MIA2: variants seen among roughly 807,000 people sequenced by gnomAD.
MIA2 encodes the protein melanoma inhibitory activity protein 2.
In MIA2, 127 loss-of-function variants were observed where a neutral mutation model predicts 167.8. The ratio of observed to expected loss-of-function variants is 0.76; its 90% CI spans 0.66 to 0.88. MIA2 has a LOEUF of 0.88. Among genes scored for constraint, MIA2 ranks in the 40% least tolerant of loss-of-function variants. The pLI is 0.00. For synonymous variants in MIA2, 552 were observed against 541.9 expected, an observed-to-expected ratio of 1.02 and a Z score of -0.26; for missense variants, 1,690 against 1,624.7, an observed-to-expected ratio of 1.04 and a Z score of -0.69.
chr14:39,246,953 G>T lies in MIA2; in HGVS notation c.379G>T (p.Asp127Tyr). 6.5e-7 allele frequency: 1 copy of T among 1,528,676 alleles called. No homozygotes were observed. The highest frequency in any genetic ancestry group is 1.3e-5 in the South Asian group (1 of 74,332). 94.7% of individuals were successfully genotyped at this position (1,528,676 alleles called of 1,614,324 possible). A position where few individuals can be genotyped will look rare whatever the true frequency, so the allele number is the denominator to read the frequency against. Residue 127 changes from aspartate (D) to tyrosine (Y), a missense_variant, in exon 4 of 29, where the codon GAC becomes TAC. Coordinates refer to ENST00000640607, the MANE Select transcript of MIA2 (RefSeq NM_001329214.4). The stretch of plus-strand genomic sequence containing the variant: ...TCTTCTTGGAGTAAGTTACACATTT[G>T]ACAATGAAGATAGTGAATTAAACGG... The part of the protein sequence containing the change: ...LCLLGVSYTF[D>Y]NEDSELNGDY...
chr14:39,295,638 C>G (rs113907577), intron 13 of MIA2, among the ~76,000 whole-genome samples: 3 of 152,080 alleles, frequency 2.0e-5, no homozygotes, highest in Admixed American at 2.0e-4. Context: ...CGGCTCACTG[C>G]GACCTCTGCC....
intron 23 of MIA2, among the ~76,000 whole-genome samples, chr14:39,377,530 C>T (rs1186125403): frequency 1.3e-5 from 2 of 151,964 alleles, no homozygotes; most frequent in Non-Finnish European, 2.9e-5. Flanking sequence ...AGAATTCAGT[C>T]CAAATTGTAG....
chr14:39,234,964 T>C (rs150143920), intron 1 of MIA2, among the ~76,000 whole-genome samples: 273 of 152,134 alleles, frequency 1.8e-3, no homozygotes, highest in African/African-American at 6.3e-3. Context: ...CCTTTTGTTT[T>C]TATTTTATAA....
chr14:39,331,350 TA>T (rs1384561495), intron 25 of MIA2, among the ~76,000 whole-genome samples: 1 of 152,214 alleles, frequency 6.6e-6, no homozygotes, highest in Non-Finnish European at 1.5e-5. Flanking sequence ...TATGTGTGTC[TA>T]TGCACATGAG....
chr14:39,367,908 A>G (rs1195767468), intron 23 of MIA2, among the ~76,000 whole-genome samples: 1 of 151,864 alleles, frequency 6.6e-6, no homozygotes, highest in Non-Finnish European at 1.5e-5. Context: ...ACTACTGCAT[A>G]TTGCTTTCTA....
intron 17 of MIA2, among the ~76,000 whole-genome samples, chr14:39,306,037 T>A (rs531366973): frequency 2.2e-4 from 34 of 152,122 alleles, no homozygotes; most frequent in Non-Finnish European, 4.3e-4. Context: ...TTAATAGAGA[T>A]AATACCCAAC....
At chr14:39,300,764 T>C (rs2062267025) in intron 14 of MIA2, among the ~76,000 whole-genome samples, 1 of 151,748 alleles carries the variant, frequency 6.6e-6, no homozygotes, top group Non-Finnish European at 1.5e-5. Context: ...CAGGTATACA[T>C]ATGTAACAAA....
At chr14:39,336,231 G>T (rs911065380) in intron 25 of MIA2, among the ~76,000 whole-genome samples, 1 of 152,192 alleles carries the variant, frequency 6.6e-6, no homozygotes, top group Non-Finnish European at 1.5e-5. Flanking sequence ...CAGTGTATAA[G>T]CATTCCCTTT....
intron 20 of MIA2, among the ~76,000 whole-genome samples, 192 bp from the exon 21 acceptor site, chr14:39,315,491 C>G (rs910538785): frequency 1.3e-5 from 2 of 152,074 alleles, no homozygotes; most frequent in Non-Finnish European, 2.9e-5. Flanking sequence ...ATTTAATTGT[C>G]TTTACATTCA....
rs952444451 is a variant in MIA2, at chr14:39,267,248, A to C, written c.1888-9686A>C. The C allele has an allele frequency of 3.6e-6, 5 of 1,402,740 alleles. No individual in the cohort carries two copies. In the Admixed American group the frequency reaches 1.5e-4, roughly 42 times the overall value. The allele number at this position is 1,402,740 out of a possible 1,614,324, so 86.9% of individuals were successfully genotyped here. A position where few individuals can be genotyped will look rare whatever the true frequency, so the allele number is the denominator to read the frequency against. ...CCTGCGCTGCCTCGGGATGTAAAGT[A>C]TAACAAGAGGGTCGGGATGGGCAGC... On this transcript the variant is annotated intron_variant, in intron 6 of 28. Transcript: ENST00000640607.
chr14:39,292,342 AATT>A (rs1477435699), intron 10 of MIA2, among the ~76,000 whole-genome samples: 3 of 152,192 alleles, frequency 2.0e-5, no homozygotes, highest in African/African-American at 4.8e-5. Flanking sequence ...ATAGGAGTAA[AATT>A]AGCTGAATTT....
intron 23 of MIA2, among the ~76,000 whole-genome samples, chr14:39,377,228 G>A (rs2075062101): frequency 6.7e-6 from 1 of 149,430 alleles, no homozygotes; most frequent in Admixed American, 6.6e-5. Flanking sequence ...AGAACATAGG[G>A]GGAGGAAGAA....
At chr14:39,263,853 C>G (rs1017116854) in intron 6 of MIA2, among the ~76,000 whole-genome samples, 1 of 152,014 alleles carries the variant, frequency 6.6e-6, no homozygotes, top group Non-Finnish European at 1.5e-5. Context: ...AGGCTGGTCT[C>G]GAACTCCTGA....
chr14:39,326,385 A>G (rs139847348), intron 24 of MIA2, among the ~76,000 whole-genome samples: 183 of 152,262 alleles, frequency 1.2e-3, no homozygotes, highest in African/African-American at 4.0e-3. Flanking sequence ...TTTGGGCAGA[A>G]GTAGAGAGTC....
At chr14:39,285,522 GA>G in intron 9 of MIA2, among the ~76,000 whole-genome samples, 2 of 139,144 alleles carry the variant, frequency 1.4e-5, no homozygotes, top group Non-Finnish European at 1.6e-5. Context: ...GGCGGGGGCT[GA>G]CCCCCCACCT....
rs559860940 is a variant in MIA2 at position 39,356,974 on chromosome 14, A to G, written c.2248+7997A>G. On this transcript the variant is annotated intron_variant, in intron 23 of 23. Coordinates refer to the MIA2 transcript ENST00000341502. ...GCTGAGGAGTGCTTTACTTCCAACT[A>G]TGTGGTCGGTTTTGGAATAAGTGTG... Among the ~76,000 whole-genome samples, 24 of 152,266 alleles carry G rather than the reference A, an allele frequency of 1.6e-4. 1 individual carries two copies. Among genetic ancestry groups the G allele is most frequent in the African/African-American group, 4.8e-4 (20 of 41,554 alleles).
At chr14:39,259,889 T>A (rs2055006690) in intron 6 of MIA2, among the ~76,000 whole-genome samples, 1 of 152,002 alleles carries the variant, frequency 6.6e-6, no homozygotes, top group Admixed American at 6.6e-5. Flanking sequence ...CCCCGGTGTG[T>A]GATGTTCCCC....
rs570020407 is a variant in MIA2 at position 39,260,535 on chromosome 14, C to G, written c.1887+7364C>G. ...GAAAAGTGTCTGTTCATATCCTTTG[C>G]CCACTTTTTGATGAAATGGTTTGAT... On this transcript the variant is annotated intron_variant, in intron 6 of 28. Transcript: ENST00000640607. Among the ~76,000 whole-genome samples, 3 of 152,260 alleles carry G rather than the reference C, an allele frequency of 2.0e-5. No homozygotes were observed. In the South Asian group the frequency reaches 6.2e-4, roughly 32 times the overall value.
intron 6 of MIA2, among the ~76,000 whole-genome samples, chr14:39,269,311 A>T (rs1236146064): frequency 6.6e-6 from 1 of 151,926 alleles, no homozygotes; most frequent in Non-Finnish European, 1.5e-5. Flanking sequence ...TTATTACCCC[A>T]GAAAATAAAC....
Sources: allele counts gnomAD v4.1 joint callset (sites outside exome capture counted in the v4.1 genomes callset), GRCh38; gene constraint gnomAD v4.1.1; transcripts MANE v1.5; gene names NCBI Gene and HGNC (gene_info 2026-07-23, HGNC 2026-07-21).